The following HS3ST4 variants were observed in gnomAD, a reference collection of about 807,000 sequenced individuals.
HS3ST4 encodes heparan sulfate glucosamine 3-O-sulfotransferase 4.
HS3ST4 carries 17 observed loss-of-function variants against 29.2 expected under a neutral mutation model. The observed-to-expected ratio is 0.58, with a 90% confidence interval of 0.40 to 0.87. The LOEUF is 0.87. Ranked by LOEUF, HS3ST4 falls within the 40% of genes least tolerant of loss-of-function variation. HS3ST4 has a pLI of 0.00. For synonymous variants in HS3ST4, 314 were observed against 285.7 expected (o/e 1.10, Z -1.00); for missense variants, 627 against 634.5 (o/e 0.99, Z 0.13).
intron 1 of HS3ST4, among the ~76,000 whole-genome samples, chr16:25,719,673 A>G (rs1311877494): frequency 6.6e-6 from 1 of 152,254 alleles, no homozygotes; most frequent in Non-Finnish European, 1.5e-5. Context: ...GCATAAGAGT[A>G]TGTGAAGAAA....
chr16:26,085,706 A>G (rs111367082), intron 1 of HS3ST4, among the ~76,000 whole-genome samples: 17,469 of 151,612 alleles, frequency 0.12, 1,413 homozygotes, highest in African/African-American at 0.21. Context: ...CCCTGTCTCT[A>G]CAAAAATTTT....
At chr16:25,798,476 C>A in intron 1 of HS3ST4, among the ~76,000 whole-genome samples, 1 of 152,276 alleles carries the variant, frequency 6.6e-6, no homozygotes, top group South Asian at 2.1e-4. Flanking sequence ...GAGAGCATAG[C>A]TGAATATGGC....
intron 1 of HS3ST4, among the ~76,000 whole-genome samples, chr16:25,926,660 T>G (rs1405019340): frequency 2.6e-5 from 4 of 152,228 alleles, no homozygotes; most frequent in African/African-American, 9.6e-5. Flanking sequence ...AGATAGTGAT[T>G]TATGATTGGC....
chr16:25,869,116 A>G (rs1169380714), intron 1 of HS3ST4, among the ~76,000 whole-genome samples: 3 of 152,088 alleles, frequency 2.0e-5, no homozygotes, highest in Non-Finnish European at 4.4e-5. Flanking sequence ...AAGGAGCTCA[A>G]TGAGAAATGG....
intron 1 of HS3ST4, chr16:26,028,939 C>A (rs1196242591): frequency 6.6e-6 from 1 of 152,232 alleles, no homozygotes; most frequent in Non-Finnish European, 1.5e-5. Context: ...CCTGAACATA[C>A]CCGATCTCGT....
intron 1 of HS3ST4, among the ~76,000 whole-genome samples, chr16:25,929,726 A>G (rs1231638170): frequency 6.6e-6 from 1 of 152,236 alleles, no homozygotes; most frequent in Non-Finnish European, 1.5e-5. Context: ...GAGAGAAAAG[A>G]AACAGCTATG....
chr16:26,023,627 A>G (rs1480288109), intron 1 of HS3ST4, among the ~76,000 whole-genome samples: 2 of 151,898 alleles, frequency 1.3e-5, no homozygotes, highest in Non-Finnish European at 2.9e-5. Flanking sequence ...GCTGGTCTCA[A>G]ACTCCCGGCC....
chr16:25,692,075 C>G lies in HS3ST4; in HGVS notation c.-343C>G, dbSNP rs1263166026. ...GCTGAAGCAGAAGCCGCGGCGGAGC[C>G]GGGGAAGCGGGGGCGCTGCAGACGG... On this transcript the variant is annotated 5_prime_UTR_variant, in exon 1 of 2. Transcript: ENST00000331351. The G allele has an allele frequency of 6.7e-6, 1 of 149,226 alleles. No homozygotes were observed. Among genetic ancestry groups the G allele is most frequent in the Admixed American group, 6.7e-5 (1 of 14,998 alleles). The allele number at this position is 149,226 out of a possible 1,614,324, so 9.2% of individuals were successfully genotyped here.
At chr16:26,105,216 AC>A (rs1443018875) in intron 1 of HS3ST4, among the ~76,000 whole-genome samples, 2 of 152,186 alleles carry the variant, frequency 1.3e-5, no homozygotes, top group South Asian at 2.1e-4. Flanking sequence ...GCAACTGGAA[AC>A]CATTATCCTA....
At chr16:25,868,305 T>A (rs946856481) in intron 1 of HS3ST4, among the ~76,000 whole-genome samples, 5 of 151,632 alleles carry the variant, frequency 3.3e-5, no homozygotes, top group Non-Finnish European at 5.9e-5. Flanking sequence ...AGCTGCTTTT[T>A]AAAAAAAAGC....
intron 1 of HS3ST4, among the ~76,000 whole-genome samples, chr16:25,910,557 C>T (rs932903492): frequency 4.6e-5 from 7 of 151,854 alleles, no homozygotes; most frequent in Non-Finnish European, 8.8e-5. Flanking sequence ...GCAGGAGAAT[C>T]GCTTGAACCC....
chr16:25,795,204 C>A (rs1966880495), intron 1 of HS3ST4, among the ~76,000 whole-genome samples: 1 of 152,144 alleles, frequency 6.6e-6, no homozygotes, highest in South Asian at 2.1e-4. Flanking sequence ...AATTCCTGAC[C>A]TCGTGATCCG....
chr16:25,975,629 C>G (rs576870824), intron 1 of HS3ST4, among the ~76,000 whole-genome samples: 1 of 152,250 alleles, frequency 6.6e-6, no homozygotes, highest in East Asian at 1.9e-4. Context: ...TCTGAGCCAG[C>G]ATCATTTCTT....
At chr16:26,037,550 C>T (rs935667089) in intron 1 of HS3ST4, among the ~76,000 whole-genome samples, 4 of 152,206 alleles carry the variant, frequency 2.6e-5, no homozygotes, top group African/African-American at 9.6e-5. Context: ...TAGGAGCCAG[C>T]TCTTCCCATG....
intron 1 of HS3ST4, among the ~76,000 whole-genome samples, chr16:26,078,437 C>T (rs112781489): frequency 0.022 from 3,351 of 152,224 alleles, 133 homozygotes; most frequent in African/African-American, 0.075. Context: ...CGTGAGCCAC[C>T]GCACCCAGCC....
intron 1 of HS3ST4, among the ~76,000 whole-genome samples, chr16:26,101,044 C>G (rs950369456): frequency 6.6e-6 from 1 of 152,192 alleles, no homozygotes; most frequent in African/African-American, 2.4e-5. Flanking sequence ...AATCTCCTCA[C>G]TGCTAATATT....
At chr16:25,986,769 C>A (rs1191517754) in intron 1 of HS3ST4, among the ~76,000 whole-genome samples, 1 of 152,200 alleles carries the variant, frequency 6.6e-6, no homozygotes, top group African/African-American at 2.4e-5. Flanking sequence ...CCAAGATTCT[C>A]AAAGGGAGGC....
chr16:26,103,785 C>T (rs574150109), intron 1 of HS3ST4, among the ~76,000 whole-genome samples: 1 of 152,044 alleles, frequency 6.6e-6, no homozygotes, highest in East Asian at 1.9e-4. Flanking sequence ...GGATCTCATT[C>T]GTTTTGGTCC....
chr16:25,943,284 T>C (rs1968592062), intron 1 of HS3ST4, among the ~76,000 whole-genome samples: 1 of 152,182 alleles, frequency 6.6e-6, no homozygotes, highest in African/African-American at 2.4e-5. Context: ...TAAATTGTAA[T>C]ACATTGAATC....
Sources: allele counts gnomAD v4.1 joint callset (sites outside exome capture counted in the v4.1 genomes callset), GRCh38; gene constraint gnomAD v4.1.1; transcripts MANE v1.5; gene names NCBI Gene and HGNC (gene_info 2026-07-23, HGNC 2026-07-21).